IPO5: variants seen among roughly 807,000 people sequenced by gnomAD.
The protein encoded by IPO5 is importin-5.
Under a neutral mutation model 143.3 loss-of-function variants are expected in IPO5, and 18 were observed. The observed-to-expected ratio is 0.13, with a 90% CI of 0.09 to 0.19. The LOEUF (loss-of-function observed/expected upper bound fraction) is 0.19, where lower values mean the gene tolerates loss of function less well. Ranked by LOEUF, IPO5 falls within the 10% of genes least tolerant of loss-of-function variation. IPO5 has a pLI of 1.00. For missense variants in IPO5, 1,013 were observed against 1,336.9 expected, an observed-to-expected ratio of 0.76 and a Z score of 3.78; for synonymous variants, 477 against 465.7, an observed-to-expected ratio of 1.02 and a Z score of -0.31.
rs528353436 is a variant in IPO5, at chr13:97,964,535, C to T, written c.-112-5188C>T. ...CGATCTCGGCTCACTGCAAGCTCCGCCTCCCGGGTTCATGCCATTCTCCTG... is the reference window on the plus strand; with the variant it reads ...CGATCTCGGCTCACTGCAAGCTCCGTCTCCCGGGTTCATGCCATTCTCCTG... On this transcript the variant is annotated intron_variant, in intron 2 of 28. Coordinates refer to ENST00000651721, the MANE Select transcript of IPO5 (RefSeq NM_002271.6). Among the ~76,000 whole-genome samples, 5 of 150,590 alleles carry T rather than the reference C, an allele frequency of 3.3e-5. No homozygotes were observed. In the South Asian group the frequency reaches 6.3e-4, roughly 19 times the overall value.
At chr13:98,008,550 C>G (rs1336362795) in intron 18 of IPO5, among the ~76,000 whole-genome samples, 1 of 152,182 alleles carries the variant, frequency 6.6e-6, no homozygotes, top group Non-Finnish European at 1.5e-5. Flanking sequence ...CATGATCTCC[C>G]TCCCCTGGCA....
At chr13:97,984,258 G>A (rs529898801) in intron 5 of IPO5, among the ~76,000 whole-genome samples, 5 of 152,170 alleles carry the variant, frequency 3.3e-5, no homozygotes, top group East Asian at 3.9e-4. Flanking sequence ...GATTACAGGC[G>A]TGAGCCACCG....
At chr13:97,994,551 A>G (rs970483162) in intron 11 of IPO5, among the ~76,000 whole-genome samples, 3 of 152,246 alleles carry the variant, frequency 2.0e-5, no homozygotes, top group Admixed American at 2.0e-4. Context: ...GGGAAAGTTG[A>G]ATAACATATT....
At chr13:97,986,039 C>G (rs1719200509) in intron 6 of IPO5, among the ~76,000 whole-genome samples, 1 of 151,928 alleles carries the variant, frequency 6.6e-6, no homozygotes, top group African/African-American at 2.4e-5. Context: ...ACCTGAGCCC[C>G]AGAAGCTGGA....
intron 11 of IPO5, 53 bp downstream of exon 11, chr13:97,993,278 TA>T: frequency 1.3e-6 from 2 of 1,488,756 alleles, no homozygotes; most frequent in East Asian, 4.5e-5. Flanking sequence ...AATTTTTGGA[TA>T]AATTTGCTGA....
At chr13:97,985,815 T>C (rs1417088440) in intron 6 of IPO5, among the ~76,000 whole-genome samples, 1 of 152,196 alleles carries the variant, frequency 6.6e-6, no homozygotes, top group East Asian at 1.9e-4. Flanking sequence ...AGGACTCACC[T>C]ATTGGTATTC....
chr13:97,993,122 C>T lies in IPO5; in HGVS notation c.810C>T (p.Ser270=). The part of the protein sequence containing the change: ...QLSLKLCGDT[S]LNNMQRQLAL... ...CTTTGTAGTTGTGTGGAGACACTAG[C>T]CTCAACAATATGCAACGCCAGCTTG... The change falls in exon 11 of 29, where the codon AGC becomes AGT. Residue 270 remains serine, a synonymous_variant. Coordinates refer to ENST00000651721, the MANE Select transcript of IPO5 (RefSeq NM_002271.6). 6.2e-7 allele frequency: 1 copy of T among 1,613,932 alleles called. No homozygotes were observed. The highest frequency in any genetic ancestry group is 8.5e-7 in the Non-Finnish European group (1 of 1,179,826).
At chr13:97,992,805 C>A in intron 9 of IPO5, 87 bp from the exon 10 acceptor site, 2 of 1,319,272 alleles carry the variant, frequency 1.5e-6, no homozygotes, top group Non-Finnish European at 2.1e-6. Context: ...TAATATTTCT[C>A]TATTGTCAGC....
intron 6 of IPO5, 138 bp from the exon 7 acceptor site, chr13:97,988,924 T>G: frequency 1.9e-6 from 1 of 534,592 alleles, no homozygotes; most frequent in Non-Finnish European, 3.3e-6. Context: ...CAGAATTTTG[T>G]GGAGTTTTTA....
intron 26 of IPO5, 100 bp from the exon 27 acceptor site, chr13:98,019,481 T>A (rs1890340458): frequency 6.1e-6 from 5 of 820,696 alleles, no homozygotes. Context: ...TTAACATTTC[T>A]TTACCATAAT....
chr13:97,978,074 T>G (rs2139612068), intron 4 of IPO5, among the ~76,000 whole-genome samples: 1 of 152,302 alleles, frequency 6.6e-6, no homozygotes, highest in South Asian at 2.1e-4. Context: ...TTCGGTTCTA[T>G]GTGAAAAAGC....
intron 2 of IPO5, among the ~76,000 whole-genome samples, chr13:97,961,571 C>T (rs12870702): frequency 0.023 from 3,526 of 152,276 alleles, 59 homozygotes; most frequent in Admixed American, 0.035. Context: ...TGAATTTCTC[C>T]ACATTCTTGT....
At chr13:97,963,670 T>C (rs1377832728) in intron 2 of IPO5, among the ~76,000 whole-genome samples, 2 of 152,086 alleles carry the variant, frequency 1.3e-5, no homozygotes, top group East Asian at 1.9e-4. Context: ...ACCCGGCCAT[T>C]ATTACAGCTT....
chr13:98,009,963 G>A lies in IPO5; in HGVS notation c.1883G>A (p.Gly628Glu), dbSNP rs1259104268. Residue 628 changes from glycine (G) to glutamate (E), a missense_variant, in exon 19 of 29, where the codon GGG (glycine) becomes GAG (glutamate). Coordinates refer to ENST00000651721, the MANE Select transcript of IPO5 (RefSeq NM_002271.6). ...CAGCAATACCTTCCAGTGGTTATGGGGCCTTTAATGAAGACGGCTTCAATT... is the reference window on the plus strand; with the variant it reads ...CAGCAATACCTTCCAGTGGTTATGGAGCCTTTAATGAAGACGGCTTCAATT... ...EFQQYLPVVM[G>E]PLMKTASIKP... 1.9e-6 allele frequency: 3 copies of A among 1,614,036 alleles called. No individual in the cohort carries two copies. In the Admixed American group the frequency reaches 5.0e-5, roughly 27 times the overall value.
chr13:97,979,286 T>G (rs1886646395), intron 4 of IPO5, among the ~76,000 whole-genome samples: 1 of 152,236 alleles, frequency 6.6e-6, no homozygotes, highest in Non-Finnish European at 1.5e-5. Context: ...AACTGTTGAC[T>G]AAGGTGACTT....
intron 3 of IPO5, among the ~76,000 whole-genome samples, chr13:97,972,860 G>C (rs1464461223): frequency 1.3e-5 from 2 of 150,496 alleles, no homozygotes; most frequent in Non-Finnish European, 2.9e-5. Flanking sequence ...GAGAAATTGA[G>C]GCTTAGCGAC....
At chr13:98,010,381 T>G (rs1594118783) in intron 20 of IPO5, among the ~76,000 whole-genome samples, 157 bp downstream of exon 20, 2 of 152,360 alleles carry the variant, frequency 1.3e-5, no homozygotes, top group Middle Eastern at 3.4e-3. Context: ...ATCGTATGGA[T>G]AAACCTTTCA....
At position 98,010,780 on chromosome 13, in the gene IPO5, C is replaced by CGTTTTTTTTTTTTTTTTTTTTTTTT. The variant is rs1889639079; in HGVS notation, c.2055+556_2055+557insGTTTTTTTTTTTTTTTTTTTTTTTT. Among the ~76,000 whole-genome samples, 11 of 70,026 alleles carry CGTTTTTTTTTTTTTTTTTTTTTTTT rather than the reference C, an allele frequency of 1.6e-4. 1 individual carries two copies. The highest frequency in any genetic ancestry group is 8.5e-4 in the African/African-American group (9 of 10,536). The allele number at this position is 70,026 out of a possible 152,430, so 45.9% of individuals were successfully genotyped here. On this transcript the variant is annotated intron_variant, in intron 20 of 28. Coordinates refer to ENST00000651721, the MANE Select transcript of IPO5 (RefSeq NM_002271.6). ...ATGCGTTTTAAAGTGAAGGATAATC[C>CGTTTTTTTTTTTTTTTTTTTTTTTT]TTTTTTTTTTTTTTTTTTGAGGTGG...
chr13:97,985,727 C>G, intron 6 of IPO5, 114 bp downstream of exon 6: 1 of 716,908 alleles, frequency 1.4e-6, no homozygotes. Context: ...ACCATTTATT[C>G]TGTTTAAAAT....
Sources: allele counts gnomAD v4.1 joint callset (sites outside exome capture counted in the v4.1 genomes callset), GRCh38; gene constraint gnomAD v4.1.1; transcripts MANE v1.5; gene names NCBI Gene and HGNC (gene_info 2026-07-23, HGNC 2026-07-21).